DEAF1: variants seen among roughly 807,000 people sequenced by gnomAD.
DEAF1 encodes DEAF1 transcription factor, also known as deformed epidermal autoregulatory factor 1 homolog.
DEAF1 carries 53 observed loss-of-function variants against 58.9 expected under a neutral mutation model. That is an observed-to-expected ratio of 0.90 (90% CI 0.72 to 1.13). The LOEUF (loss-of-function observed/expected upper bound fraction) is 1.13, where lower values mean the gene tolerates loss of function less well. DEAF1 is among the 50% of genes most tolerant of loss of function. The probability of loss-of-function intolerance (pLI) is 0.00; values close to 1 mark genes in which losing one functional copy is unlikely to be tolerated. For synonymous variants in DEAF1, 385 were observed against 340.4 expected (o/e 1.13, Z -1.44); for missense variants, 685 against 791.4 (o/e 0.87, Z 1.61).
chr11:657,885 C>A (rs560351879), intron 10 of DEAF1, among the ~76,000 whole-genome samples: 2 of 152,066 alleles, frequency 1.3e-5, no homozygotes, highest in Non-Finnish European at 2.9e-5. Flanking sequence ...AAATGGTGCA[C>A]GGGAGGCTGT....
At chr11:663,514 A>G (rs191818583) in intron 10 of DEAF1, among the ~76,000 whole-genome samples, 69 of 151,792 alleles carry the variant, frequency 4.5e-4, no homozygotes, top group African/African-American at 1.6e-3. Flanking sequence ...TCTCCTCAGC[A>G]ACTGCCTCTG....
Position 695,190 on chromosome 11 carries a change from C to T in DEAF1, c.-143G>A. 5 of 737,748 alleles carry T rather than the reference C, an allele frequency of 6.8e-6. No individual in the cohort carries two copies. The highest frequency in any genetic ancestry group is 7.6e-6 in the Non-Finnish European group (4 of 524,998). 45.7% of individuals were successfully genotyped at this position (737,748 alleles called of 1,614,324 possible). A position where few individuals can be genotyped will look rare whatever the true frequency, so the allele number is the denominator to read the frequency against. Reference sequence around the variant, plus strand: ...GCCGCCCGAATAGGGACCGAAAAGGCAGCCAGCCGCCGAGCAGAGCCGAGC... The same window carrying T: ...GCCGCCCGAATAGGGACCGAAAAGGTAGCCAGCCGCCGAGCAGAGCCGAGC... On this transcript the variant is annotated 5_prime_UTR_variant, in exon 1 of 12. Coordinates refer to ENST00000382409, the MANE Select transcript of DEAF1 (RefSeq NM_021008.4).
intron 10 of DEAF1, among the ~76,000 whole-genome samples, chr11:665,589 C>T (rs1859490847): frequency 6.6e-6 from 1 of 152,200 alleles, no homozygotes; most frequent in African/African-American, 2.4e-5. Context: ...TTTCATGCCA[C>T]ATTTCTCTCA....
chr11:674,414 T>TTCATTTGTAAATGACTCTCCACAGCTC lies in DEAF1; in HGVS notation c.1503+121_1503+122insGAGCTGTGGAGAGTCATTTACAAATGA. 2.2e-6 allele frequency: 3 copies of TTCATTTGTAAATGACTCTCCACAGCTC among 1,355,130 alleles called. No individual in the cohort carries two copies. In the Admixed American group the frequency reaches 5.1e-5, roughly 23 times the overall value. 83.9% of individuals were successfully genotyped at this position (1,355,130 alleles called of 1,614,324 possible). On this transcript the variant is annotated intron_variant, in intron 10 of 11. Transcript: ENST00000382409. ...TAAATGACTCTCCACAGCTCCCTTT[T>TTCATTTGTAAATGACTCTCCACAGCTC]CCAGAAAGGTGGGGCAGGGGCCTTG...
intron 11 of DEAF1, among the ~76,000 whole-genome samples, chr11:647,335 TC>T (rs1327951509): frequency 2.6e-5 from 4 of 151,558 alleles, no homozygotes; most frequent in Non-Finnish European, 4.4e-5. Context: ...GTGCCTGTAA[TC>T]CCCAGCTACT....
rs1038817783 is a variant in DEAF1, at chr11:691,594, C to T, written c.294G>A (p.Val98=). 1 of 1,613,434 alleles carries T rather than the reference C, an allele frequency of 6.2e-7. No homozygotes were observed. Residue 98 remains valine, a synonymous_variant, in exon 2 of 12, where the codon GTG becomes GTA. Coordinates refer to ENST00000382409, the MANE Select transcript of DEAF1 (RefSeq NM_021008.4). ...CCACGTTGGCCACTGTCACTGTGGTCACCTCTGCAACAGAAGGAGCCTCAT... is the reference window on the plus strand; with the variant it reads ...CCACGTTGGCCACTGTCACTGTGGTTACCTCTGCAACAGAAGGAGCCTCAT... ...EAAAAAAFAE[V]TTVTVANVGA...
At chr11:697,454 T>C (rs1478885953), upstream of DEAF1, 3 of 152,244 alleles carry the variant, frequency 2.0e-5, no homozygotes, top group Non-Finnish European at 4.4e-5. Flanking sequence ...AATGAGCTCC[T>C]GCAGGTCTGG....
chr11:694,936 C>A lies in DEAF1; in HGVS notation c.112G>T (p.Glu38Ter). 1 of 1,344,818 alleles carries A rather than the reference C, an allele frequency of 7.4e-7. No homozygotes were observed. 83.3% of individuals were successfully genotyped at this position (1,344,818 alleles called of 1,614,324 possible). Residue 38 changes from glutamate (E) to a stop codon, truncating the protein, a stop_gained, in exon 1 of 12, where the codon GAG becomes TAG. Transcript: ENST00000382409. LOFTEE classifies it high-confidence loss of function. Reference sequence around the variant, plus strand: ...TCGTCCCTGCTCAGCACCGGCTCCTCCGCCTCGCCTCCTGCCGCGGCCGCG... The same window carrying A: ...TCGTCCCTGCTCAGCACCGGCTCCTACGCCTCGCCTCCTGCCGCGGCCGCG... ...AAAAAAGGEAEEPVLSRDEDS... is the reference protein window; with the variant it reads ...AAAAAAGGEA
At chr11:669,119 C>T (rs1279325490) in intron 10 of DEAF1, among the ~76,000 whole-genome samples, 1 of 136,618 alleles carries the variant, frequency 7.3e-6, no homozygotes, top group Non-Finnish European at 1.5e-5. Context: ...GCCACTGCAC[C>T]CGACCCTTTT....
At chr11:685,119 G>A (rs528164200) in intron 5 of DEAF1, 156 bp from the exon 6 acceptor site, 1 of 592,444 alleles carries the variant, frequency 1.7e-6, no homozygotes, top group African/African-American at 2.7e-5. Context: ...GAGTCTTGTT[G>A]GGTTGCCCAG....
At chr11:705,142 G>T in intron 1 of DEAF1, 1 of 191,826 alleles carries the variant, frequency 5.2e-6, no homozygotes, top group Non-Finnish European at 1.1e-5. Context: ...AAGTGCTCCG[G>T]CCAGCCCAGG....
At chr11:671,326 G>C (rs1859816462) in intron 10 of DEAF1, among the ~76,000 whole-genome samples, 1 of 149,842 alleles carries the variant, frequency 6.7e-6, no homozygotes, top group Non-Finnish European at 1.5e-5. Flanking sequence ...GTTCAAGTGA[G>C]TCTCCTGCCT....
chr11:644,583 C>T lies in DEAF1; in HGVS notation c.1665G>A (p.Val555=), dbSNP rs1448400915. ...AVTVQADEVH[V]AESVMEKVTV ...TCACCTTCTCCATCACGCTTTCAGC[C>T]ACGTGGACTTCGTCTGCCTGGACGG... Residue 555 remains valine, a synonymous_variant, in exon 12 of 12, where the codon GTG becomes GTA. Coordinates refer to ENST00000382409, the MANE Select transcript of DEAF1 (RefSeq NM_021008.4). This position sits in a 1 kb window ranked among gnomAD's most constrained non-coding sequence, Gnocchi z 4.3. The T allele has an allele frequency of 2.5e-6, 4 of 1,613,260 alleles. No individual in the cohort carries two copies.
chr11:647,348 G>C (rs997433578), intron 11 of DEAF1, among the ~76,000 whole-genome samples: 2 of 152,170 alleles, frequency 1.3e-5, no homozygotes, highest in Middle Eastern at 3.4e-3. Context: ...CCAGCTACTA[G>C]GGAGGCTGAG....
upstream of DEAF1, among the ~76,000 whole-genome samples, chr11:698,398 T>G (rs1228731729): frequency 6.6e-6 from 1 of 152,228 alleles, no homozygotes; most frequent in Non-Finnish European, 1.5e-5. Flanking sequence ...GAGGGATATT[T>G]GGGGATAAAA....
Position 681,157 on chromosome 11 carries a change from CCTT to C in DEAF1, c.871-71_871-69del, listed in dbSNP as rs374220684. 2.9e-4 allele frequency: 461 copies of C among 1,609,652 alleles called. 2 individuals carry two copies. The African/African-American group carries it at 5.3e-3, about 18-fold the overall frequency. ...AAGCTATGCTGCGCTTGCAACTCCT[CCTT>C]AAGTGGGGGCACCGCGGGGTGTGTG... On this transcript the variant is annotated intron_variant, in intron 6 of 11. Coordinates refer to ENST00000382409, the MANE Select transcript of DEAF1 (RefSeq NM_021008.4).
intron 10 of DEAF1, among the ~76,000 whole-genome samples, chr11:659,806 C>CA (rs1859233182): frequency 6.6e-6 from 1 of 152,220 alleles, no homozygotes; most frequent in Non-Finnish European, 1.5e-5. Flanking sequence ...TCTGGAGAGA[C>CA]AGAGCGGGAG....
chr11:661,308 T>C (rs748024949), intron 10 of DEAF1, among the ~76,000 whole-genome samples: 7 of 152,168 alleles, frequency 4.6e-5, no homozygotes, highest in Non-Finnish European at 8.8e-5. Flanking sequence ...GTTGAATCTC[T>C]GCAGAGCTCA....
chr11:702,817 T>A, intron 1 of DEAF1: 1 of 896,948 alleles, frequency 1.1e-6, no homozygotes, highest in Non-Finnish European at 1.7e-6. Flanking sequence ...TCCCTGGAAT[T>A]CCCCAGGCCC....
Sources: allele counts gnomAD v4.1 joint callset (sites outside exome capture counted in the v4.1 genomes callset), GRCh38; gene constraint gnomAD v4.1.1; non-coding constraint Gnocchi (gnomAD v3.1); transcripts MANE v1.5; gene names NCBI Gene and HGNC (gene_info 2026-07-23, HGNC 2026-07-21).